The following SLC30A8 variants were observed in gnomAD, a reference collection of about 807,000 sequenced individuals.
The protein encoded by SLC30A8 is solute carrier family 30 member 8, also known as proton-coupled zinc antiporter SLC30A8.
SLC30A8 carries 27 observed loss-of-function variants against 36.9 expected under a neutral mutation model. The ratio of observed to expected loss-of-function variants is 0.73; its 90% CI spans 0.54 to 1.01. SLC30A8 has a LOEUF of 1.01. Among genes scored for constraint, SLC30A8 ranks in the 50% least tolerant of loss-of-function variants. The probability of loss-of-function intolerance (pLI) is 0.00; values close to 1 mark genes in which losing one functional copy is unlikely to be tolerated. For synonymous variants in SLC30A8, 164 were observed against 172.4 expected, an observed-to-expected ratio of 0.95 and a Z score of 0.38; for missense variants, 439 against 452.0, an observed-to-expected ratio of 0.97 and a Z score of 0.26.
At chr8:116,971,527 T>G (rs1814797102) in intron 1 of SLC30A8, among the ~76,000 whole-genome samples, 2 of 152,226 alleles carry the variant, frequency 1.3e-5, no homozygotes, top group African/African-American at 4.8e-5. Flanking sequence ...AACCACTAAC[T>G]TTGTTTCCTA....
At chr8:117,167,426 A>T (rs1823112882) in intron 6 of SLC30A8, among the ~76,000 whole-genome samples, 1 of 151,780 alleles carries the variant, frequency 6.6e-6, no homozygotes, top group South Asian at 2.1e-4. Flanking sequence ...TTCTTCAGGG[A>T]TAATACCTGT....
At chr8:117,027,780 C>T (rs57936995) in intron 1 of SLC30A8, among the ~76,000 whole-genome samples, 8 of 152,064 alleles carry the variant, frequency 5.3e-5, no homozygotes, top group East Asian at 1.9e-4. Flanking sequence ...TTTTTATATT[C>T]ACCTGCCACC....
intron 6 of SLC30A8, 142 bp downstream of exon 6, chr8:117,163,672 A>T: frequency 1.6e-6 from 1 of 635,336 alleles, no homozygotes; most frequent in South Asian, 2.4e-5. Context: ...TGTGAAAACA[A>T]TCATTTGATT....
intron 1 of SLC30A8, among the ~76,000 whole-genome samples, chr8:117,137,124 T>A (rs1013042311): frequency 2.0e-5 from 3 of 151,846 alleles, no homozygotes; most frequent in Non-Finnish European, 4.4e-5. Flanking sequence ...TCCGTCTACA[T>A]CTCCTGTACC....
chr8:117,169,057 T>G (rs1201842801), intron 6 of SLC30A8, among the ~76,000 whole-genome samples: 3 of 152,176 alleles, frequency 2.0e-5, no homozygotes, highest in Admixed American at 1.3e-4. Flanking sequence ...TTATTATTAT[T>G]ATGACAATTT....
At chr8:117,162,324 G>C (rs1011649300) in intron 5 of SLC30A8, among the ~76,000 whole-genome samples, 1 of 152,084 alleles carries the variant, frequency 6.6e-6, no homozygotes, top group Admixed American at 6.6e-5. Flanking sequence ...CTGTGAACGG[G>C]AGTCCAGTTG....
At chr8:116,961,818 G>A (rs1814433747) in intron 1 of SLC30A8, among the ~76,000 whole-genome samples, 1 of 151,838 alleles carries the variant, frequency 6.6e-6, no homozygotes, top group South Asian at 2.1e-4. Context: ...AGACTAGAGT[G>A]TAGTGGTACA....
chr8:117,040,829 C>T (rs995885844), intron 2 of SLC30A8, among the ~76,000 whole-genome samples: 6 of 152,128 alleles, frequency 3.9e-5, no homozygotes, highest in African/African-American at 1.2e-4. Flanking sequence ...CTAGAAGCTT[C>T]TTAGCAATGC....
chr8:117,128,421 G>A (rs937883248), intron 2 of SLC30A8: 11 of 151,560 alleles, frequency 7.3e-5, no homozygotes, highest in South Asian at 2.1e-4. Context: ...ATAAAAAGGC[G>A]TGTGTGTGTG....
At chr8:116,987,992 C>T (rs933523254) in intron 1 of SLC30A8, among the ~76,000 whole-genome samples, 2 of 152,214 alleles carry the variant, frequency 1.3e-5, no homozygotes, top group East Asian at 1.9e-4. Flanking sequence ...AGCCATTAAG[C>T]CCAGCTGCCC....
chr8:116,962,720 G>A (rs1162210390), intron 1 of SLC30A8, among the ~76,000 whole-genome samples: 2 of 151,968 alleles, frequency 1.3e-5, no homozygotes, highest in Admixed American at 6.6e-5. Flanking sequence ...CATGTCTAAA[G>A]GTGCTGCTTT....
chr8:117,024,659 C>T (rs945340256), intron 1 of SLC30A8, among the ~76,000 whole-genome samples: 1 of 152,204 alleles, frequency 6.6e-6, no homozygotes, highest in African/African-American at 2.4e-5. Flanking sequence ...ACACTTCACT[C>T]AGAGGCCAGT....
intron 2 of SLC30A8, among the ~76,000 whole-genome samples, chr8:117,057,672 T>A (rs1206197234): frequency 6.6e-6 from 1 of 152,174 alleles, no homozygotes; most frequent in East Asian, 1.9e-4. Flanking sequence ...TCCAGGTTTA[T>A]CCATGTTGCC....
intron 1 of SLC30A8, among the ~76,000 whole-genome samples, chr8:116,955,607 A>G (rs920997408): frequency 2.0e-5 from 3 of 151,940 alleles, no homozygotes; most frequent in Admixed American, 2.0e-4. Context: ...GTGCATGCCT[A>G]TAGTTGCAGC....
At chr8:116,977,141 C>CTTTTTTTTTTTT (rs71305451) in intron 1 of SLC30A8, among the ~76,000 whole-genome samples, 43 of 59,106 alleles carry the variant, frequency 7.3e-4, no homozygotes, top group Admixed American at 9.0e-4. Flanking sequence ...CTTTTTCTTG[C>CTTTTTTTTTTTT]TTTTTTTTTT....
At chr8:116,976,828 T>TCTTTCTTTC (rs1563731085) in intron 1 of SLC30A8, among the ~76,000 whole-genome samples, 1 of 146,100 alleles carries the variant, frequency 6.8e-6, no homozygotes, top group African/African-American at 2.7e-5. Context: ...CTTTCTTTTT[T>TCTTTCTTTC]TTTTTTTTTT....
chr8:116,963,668 A>G (rs1814507387), intron 1 of SLC30A8, among the ~76,000 whole-genome samples: 1 of 152,126 alleles, frequency 6.6e-6, no homozygotes, highest in Non-Finnish European at 1.5e-5. Flanking sequence ...GTTGATGGGC[A>G]TCTGGGTTGT....
chr8:117,038,566 C>T (rs904454364), intron 1 of SLC30A8, among the ~76,000 whole-genome samples: 1 of 152,114 alleles, frequency 6.6e-6, no homozygotes, highest in African/African-American at 2.4e-5. Context: ...TTTGCTTCTA[C>T]AAACAATACT....
intron 2 of SLC30A8, among the ~76,000 whole-genome samples, chr8:117,091,110 C>G (rs1819103492): frequency 6.6e-6 from 1 of 151,990 alleles, no homozygotes; most frequent in South Asian, 2.1e-4. Context: ...GCCACTTCAT[C>G]TCAGCACCTG....
Sources: allele counts gnomAD v4.1 joint callset (sites outside exome capture counted in the v4.1 genomes callset), GRCh38; gene constraint gnomAD v4.1.1; transcripts MANE v1.5; gene names NCBI Gene and HGNC (gene_info 2026-07-23, HGNC 2026-07-21).